Variants in NTS observed in about 807,000 individuals in gnomAD.
The protein encoded by NTS is neurotensin, also known as neurotensin/neuromedin N.
NTS carries 20 observed loss-of-function variants against 19.5 expected under a neutral mutation model. The observed-to-expected ratio is 1.02, with a 90% CI of 0.72 to 1.49. The LOEUF (loss-of-function observed/expected upper bound fraction) is 1.49. Among genes scored for constraint, NTS ranks in the 40% most tolerant of loss-of-function variants. NTS has a pLI of 0.00. For synonymous variants in NTS, 71 were observed against 63.3 expected (o/e 1.12, Z -0.58); for missense variants, 215 against 193.1 (o/e 1.11, Z -0.67).
At position 85,878,342 on chromosome 12, in the gene NTS, C is replaced by A; in HGVS notation, c.136-3C>A. ...TTGCAGGGGTTTTTTTAATATATTTCAGATTAGTAAAGCACATGTTCCCTC... is the reference window on the plus strand; with the variant it reads ...TTGCAGGGGTTTTTTTAATATATTTAAGATTAGTAAAGCACATGTTCCCTC... On this transcript the variant is annotated splice_region_variant and splice_polypyrimidine_tract_variant and intron_variant, in intron 2 of 3. Transcript: ENST00000256010. The A allele has an allele frequency of 1.3e-6, 2 of 1,564,190 alleles. No individual in the cohort carries two copies. Among genetic ancestry groups the A allele is most frequent in the Non-Finnish European group, 1.7e-6 (2 of 1,153,682 alleles).
chr12:85,876,419 A>G (rs1226641508), intron 1 of NTS, among the ~76,000 whole-genome samples: 2 of 152,004 alleles, frequency 1.3e-5, no homozygotes, highest in Non-Finnish European at 2.9e-5. Context: ...TGTCTGAAAA[A>G]TAATCATATG....
rs1020592826 is a variant in NTS, at chr12:85,875,441, T to C, written c.73+965T>C. ...CATGGAAATGTTTAACTCAAACTCA[T>C]GCTATCATTTGATTTAAATTATGAA... is the stretch of plus-strand genomic sequence containing the variant. On this transcript the variant is annotated intron_variant, in intron 1 of 3. Coordinates refer to ENST00000256010, the MANE Select transcript of NTS (RefSeq NM_006183.5). 1.1e-4 allele frequency among the ~76,000 whole-genome samples: 17 copies of C among 152,198 alleles called. 1 individual carries two copies. Among genetic ancestry groups the C allele is most frequent in the African/African-American group, 3.9e-4 (16 of 41,558 alleles).
At chr12:85,881,849 T>G (rs1264703321) in intron 3 of NTS, among the ~76,000 whole-genome samples, 1 of 152,130 alleles carries the variant, frequency 6.6e-6, no homozygotes, top group African/African-American at 2.4e-5. Context: ...TTCATCCTTT[T>G]GGTGTTTCCA....
intron 2 of NTS, among the ~76,000 whole-genome samples, chr12:85,877,188 G>A (rs1881365091): frequency 6.6e-6 from 1 of 152,092 alleles, no homozygotes; most frequent in South Asian, 2.1e-4. Flanking sequence ...ATCTAATCCT[G>A]AAACAGTGAC....
At chr12:85,878,308 A>G (rs995226412) in intron 2 of NTS, 37 bp from the exon 3 acceptor site, 2 of 1,454,434 alleles carry the variant, frequency 1.4e-6, no homozygotes, top group African/African-American at 2.8e-5. Flanking sequence ...CATGTAACAC[A>G]AGTTTTAATT....
chr12:85,882,306 G>A lies in NTS; in HGVS notation c.444G>A (p.Leu148=). 1 of 1,608,792 alleles carries A rather than the reference G, an allele frequency of 6.2e-7. No homozygotes were observed. The highest frequency in any genetic ancestry group is 1.3e-5 in the African/African-American group (1 of 74,726). ...TAAAGAGAAAAATTCCTTATATTCT[G>A]AAACGGCAGCTGTATGAGAATAAAC... ...EVIKRKIPYI[L]KRQLYENKPR... Residue 148 remains leucine, a synonymous_variant, in exon 4 of 4, where the codon CTG becomes CTA. Transcript: ENST00000256010.
intron 3 of NTS, among the ~76,000 whole-genome samples, chr12:85,881,515 G>A (rs1046158019): frequency 1.3e-5 from 2 of 152,066 alleles, no homozygotes; most frequent in African/African-American, 4.8e-5. Context: ...TTAGAATGGG[G>A]CATACTCCTG....
chr12:85,879,514 T>A (rs11117071), intron 3 of NTS, among the ~76,000 whole-genome samples: 209 of 20,418 alleles, frequency 0.01, 11 homozygotes, highest in African/African-American at 0.033. Flanking sequence ...AATATATTTT[T>A]TGTATATTTT....
At chr12:85,880,242 A>G (rs1453244385) in intron 3 of NTS, among the ~76,000 whole-genome samples, 1 of 152,136 alleles carries the variant, frequency 6.6e-6, no homozygotes, top group African/African-American at 2.4e-5. Flanking sequence ...CTTCAATGAT[A>G]TATTTTGCTC....
rs1437312943 is a variant in NTS at position 85,878,514 on chromosome 12, T to C, written c.305T>C (p.Leu102Ser). 6.2e-7 allele frequency: 1 copy of C among 1,613,710 alleles called. No individual in the cohort carries two copies. Among genetic ancestry groups the C allele is most frequent in the Non-Finnish European group, 8.5e-7 (1 of 1,179,864 alleles). Residue 102 changes from leucine to serine, a missense_variant, in exon 3 of 4, where the codon TTG (leucine) becomes TCG (serine). Coordinates refer to ENST00000256010, the MANE Select transcript of NTS (RefSeq NM_006183.5). ...ALDGFSLEAM[L>S]TIYQLHKICH... ...GATGGCTTTAGCTTGGAAGCAATGT[T>C]GACAATATACCAGCTCCACAAAATC... is the stretch of plus-strand genomic sequence containing the variant.
chr12:85,879,801 A>G, intron 3 of NTS, among the ~76,000 whole-genome samples: 1 of 125,862 alleles, frequency 7.9e-6, no homozygotes, highest in South Asian at 2.3e-4. Flanking sequence ...TTTTGTATAT[A>G]AAATATATTT....
chr12:85,875,931 T>A (rs2136589203), intron 1 of NTS, among the ~76,000 whole-genome samples: 1 of 152,132 alleles, frequency 6.6e-6, no homozygotes, highest in Non-Finnish European at 1.5e-5. Flanking sequence ...CAAATTTTCC[T>A]TCTCTGTAAA....
Position 85,882,230 on chromosome 12 carries a change from A to C in NTS, c.368A>C (p.Gln123Pro), listed in dbSNP as rs753544366. 9.4e-6 allele frequency: 15 copies of C among 1,593,072 alleles called. No homozygotes were observed. Among genetic ancestry groups the C allele is most frequent in the Admixed American group, 1.8e-5 (1 of 55,378 alleles). Residue 123 changes from glutamine to proline, a missense_variant, in exon 4 of 4, where the codon CAG (glutamine) becomes CCG (proline). By Grantham distance (76) the Gln-to-Pro change is moderately conservative. Coordinates refer to ENST00000256010, the MANE Select transcript of NTS (RefSeq NM_006183.5). ...TTTATCTCTATCTTGCAGTTAATCCAGGAAGATATTCTTGATACTGGAAAT... is the reference window on the plus strand; with the variant it reads ...TTTATCTCTATCTTGCAGTTAATCCCGGAAGATATTCTTGATACTGGAAAT... ...SRAFQHWELI[Q>P]EDILDTGNDK...
intron 1 of NTS, among the ~76,000 whole-genome samples, chr12:85,875,398 T>C (rs1055026172): frequency 6.6e-6 from 1 of 152,130 alleles, no homozygotes; most frequent in Admixed American, 6.5e-5. Context: ...TCTGTGCTTT[T>C]ATGTATCATA....
chr12:85,876,663 T>C lies in NTS; in HGVS notation c.97T>C (p.Leu33=). 2 of 1,594,702 alleles carry C rather than the reference T, an allele frequency of 1.3e-6. No homozygotes were observed. The highest frequency in any genetic ancestry group is 1.7e-6 in the Non-Finnish European group (2 of 1,168,434). The change falls in exon 2 of 4, where the codon TTA becomes CTA. Residue 33 remains leucine, a synonymous_variant. Transcript: ENST00000256010. The part of the protein sequence containing the change: ...CSDSEEEMKA[L]EADFLTNMHT... ...AGATTCAGAAGAGGAAATGAAAGCATTAGAAGCAGATTTCTTGACCAATAT... is the reference window on the plus strand; with the variant it reads ...AGATTCAGAAGAGGAAATGAAAGCACTAGAAGCAGATTTCTTGACCAATAT...
intron 3 of NTS, among the ~76,000 whole-genome samples, chr12:85,881,508 G>A (rs1261051234): frequency 6.6e-6 from 1 of 152,082 alleles, no homozygotes; most frequent in Non-Finnish European, 1.5e-5. Context: ...CTTAATGTTA[G>A]AATGGGGCAT....
Position 85,874,496 on chromosome 12 carries a change from A to G in NTS, c.73+20A>G, listed in dbSNP as rs377188770. 38 of 1,555,116 alleles carry G rather than the reference A, an allele frequency of 2.4e-5. No individual in the cohort carries two copies. The highest frequency in any genetic ancestry group is 3.2e-5 in the Non-Finnish European group (36 of 1,126,462). ...GCTCAGGTAAGCAAAACAGAATTTCACAACTCCCTGAAGTGATTTCTTTTT... is the reference window on the plus strand; with the variant it reads ...GCTCAGGTAAGCAAAACAGAATTTCGCAACTCCCTGAAGTGATTTCTTTTT... On this transcript the variant is annotated intron_variant, in intron 1 of 3. Transcript: ENST00000256010.
chr12:85,881,384 AT>A lies in NTS; in HGVS notation c.361-838del, dbSNP rs1592551438. ...AACCAAAAATACAAAGAAAATTTTT[AT>A]CTTTAACATATTTTTAAAGTTTCTG... is the stretch of plus-strand genomic sequence containing the variant. On this transcript the variant is annotated intron_variant, in intron 3 of 3. Coordinates refer to ENST00000256010, the MANE Select transcript of NTS (RefSeq NM_006183.5). 4.6e-5 allele frequency among the ~76,000 whole-genome samples: 7 copies of A among 152,316 alleles called. No individual in the cohort carries two copies. The East Asian group carries it at 1.3e-3, about 29-fold the overall frequency.
chr12:85,881,380 T>G (rs1454355655), intron 3 of NTS, among the ~76,000 whole-genome samples: 1 of 152,120 alleles, frequency 6.6e-6, no homozygotes, highest in East Asian at 1.9e-4. Flanking sequence ...CAAAGAAAAT[T>G]TTTATCTTTA....
Sources: allele counts gnomAD v4.1 joint callset (sites outside exome capture counted in the v4.1 genomes callset), GRCh38; gene constraint gnomAD v4.1.1; transcripts MANE v1.5; gene names NCBI Gene and HGNC (gene_info 2026-07-23, HGNC 2026-07-21).